The following RGPD3 variants were observed in gnomAD, a reference collection of about 807,000 sequenced individuals.
RGPD3 encodes RANBP2 like and GRIP domain containing 3, also known as ranBP2-like and GRIP domain-containing protein 3.
A neutral mutation model predicts 154.5 loss-of-function variants in RGPD3; 62 were observed. The observed-to-expected ratio is 0.40, with a 90% CI of 0.33 to 0.50. The LOEUF (loss-of-function observed/expected upper bound fraction) is 0.50, where lower values mean the gene tolerates loss of function less well. RGPD3 is among the 20% of genes least tolerant of loss of function. RGPD3 has a pLI of 0.59. For missense variants in RGPD3, 919 were observed against 1,716.8 expected, an observed-to-expected ratio of 0.54 and a Z score of 8.21; for synonymous variants, 308 against 607.0, an observed-to-expected ratio of 0.51 and a Z score of 7.24.
chr2:106,454,493 TAAAC>T (rs1268437834), intron 4 of RGPD3, among the ~76,000 whole-genome samples: 2 of 152,108 alleles, frequency 1.3e-5, no homozygotes, highest in African/African-American at 4.8e-5. Flanking sequence ...TCCCATTCAT[TAAAC>T]AAATGTCAGA....
chr2:106,423,975 T>A lies in RGPD3; in HGVS notation c.3992A>T (p.Asp1331Val). Residue 1331 changes from aspartate (D) to valine (V), a missense_variant, in exon 20 of 23, where the codon GAT (aspartate) becomes GTT (valine). Asp to Val is a radical substitution (Grantham distance 152). Transcript: ENST00000409886. ...AACAACAGGTTCAAAGTACTGTCCA[T>A]CTCTCTCTTCTTCTTGAGTAACATC... ...ESDVTQEEERDGQYFEPVVPL... is the reference protein window; with the variant it reads ...ESDVTQEEERVGQYFEPVVPL... The A allele has an allele frequency of 1.2e-6, 2 of 1,611,792 alleles. No homozygotes were observed. The highest frequency in any genetic ancestry group is 1.1e-5 in the South Asian group (1 of 90,972).
chr2:106,450,692 C>T (rs1246971714), intron 6 of RGPD3, among the ~76,000 whole-genome samples: 9 of 70,964 alleles, frequency 1.3e-4, no homozygotes, highest in South Asian at 7.9e-4. Context: ...GGTGACAGAG[C>T]GAGACTCTGT....
chr2:106,438,444 C>A (rs1199629322), intron 9 of RGPD3, among the ~76,000 whole-genome samples: 2 of 149,836 alleles, frequency 1.3e-5, no homozygotes, highest in Non-Finnish European at 3.0e-5. Flanking sequence ...CCTACGATCA[C>A]GCCACTACAC....
intron 1 of RGPD3, among the ~76,000 whole-genome samples, chr2:106,466,328 G>A (rs1057100480): frequency 2.0e-5 from 3 of 150,270 alleles, no homozygotes; most frequent in African/African-American, 7.3e-5. Flanking sequence ...AGCAGCGCCC[G>A]TCAGGAGCCA....
intron 4 of RGPD3, among the ~76,000 whole-genome samples, chr2:106,455,033 G>A (rs1327228912): frequency 4.6e-5 from 7 of 152,026 alleles, no homozygotes; most frequent in African/African-American, 1.4e-4. Flanking sequence ...GGGCACAGTG[G>A]CTCACACCTG....
intron 18 of RGPD3, among the ~76,000 whole-genome samples, chr2:106,426,670 G>T (rs1162748167): frequency 1.3e-3 from 194 of 152,196 alleles, no homozygotes; most frequent in African/African-American, 4.5e-3. Context: ...CCCTCTGTTT[G>T]GTCTGTTTTA....
chr2:106,422,945 G>A (rs967874042), intron 20 of RGPD3, 98 bp downstream of exon 20: 15 of 1,599,258 alleles, frequency 9.4e-6, no homozygotes, highest in South Asian at 5.5e-5. Flanking sequence ...ACAAAGCATC[G>A]TTCATATCCC....
In RGPD3 at chr2:106,404,745, G is replaced by A. The variant is rs1398992213; in HGVS notation, c.*474C>T. On this transcript the variant is annotated 3_prime_UTR_variant, in exon 23 of 23. Transcript: ENST00000409886. ...CAGCCTCAGCCTCCCCAAGTAGTGGGATTTCAGGCATGAATCACCACACCT... is the reference window on the plus strand; with the variant it reads ...CAGCCTCAGCCTCCCCAAGTAGTGGAATTTCAGGCATGAATCACCACACCT... Among the ~76,000 whole-genome samples, 2 of 95,114 alleles carry A rather than the reference G, an allele frequency of 2.1e-5. No homozygotes were observed. Among genetic ancestry groups the A allele is most frequent in the African/African-American group, 3.6e-5 (1 of 27,626 alleles). 62.4% of individuals were successfully genotyped at this position (95,114 alleles called of 152,430 possible).
At chr2:106,443,938 C>CG (rs1677836618) in intron 7 of RGPD3, among the ~76,000 whole-genome samples, 1 of 149,864 alleles carries the variant, frequency 6.7e-6, no homozygotes, top group African/African-American at 2.5e-5. Flanking sequence ...TCAAGTGATC[C>CG]GCCCGCCTCA....
rs1171488830 is a variant in RGPD3 at position 106,404,091 on chromosome 2, G to T, written c.*1128C>A. ...AGAGGAACTGTGAAGATGTAGCACG[G>T]ACCTCTAAGGTGTCTAAAATCCCTT... On this transcript the variant is annotated 3_prime_UTR_variant, in exon 23 of 23. Transcript: ENST00000409886. Among the ~76,000 whole-genome samples the T allele has an allele frequency of 6.6e-6, 1 of 152,072 alleles. No homozygotes were observed. Among genetic ancestry groups the T allele is most frequent in the Admixed American group, 6.5e-5 (1 of 15,272 alleles).
intron 8 of RGPD3, 135 bp downstream of exon 8, chr2:106,441,158 G>A: frequency 1.8e-6 from 2 of 1,101,686 alleles, no homozygotes; most frequent in East Asian, 5.1e-5. Context: ...CATACCTATT[G>A]CTCTTAACTG....
At chr2:106,467,101 A>G (rs1237825526) in intron 1 of RGPD3, among the ~76,000 whole-genome samples, 145 of 80,624 alleles carry the variant, frequency 1.8e-3, no homozygotes, top group African/African-American at 2.3e-3. Context: ...CCGCAGGGCC[A>G]GGTCGAGGCC....
chr2:106,406,952 G>T (rs555223920), intron 22 of RGPD3, among the ~76,000 whole-genome samples: 1 of 151,866 alleles, frequency 6.6e-6, no homozygotes, highest in African/African-American at 2.4e-5. Flanking sequence ...AATCTGCTGC[G>T]TAACAAATTA....
At chr2:106,414,258 A>C (rs1365269216) in intron 21 of RGPD3, among the ~76,000 whole-genome samples, 1 of 152,166 alleles carries the variant, frequency 6.6e-6, no homozygotes, top group Non-Finnish European at 1.5e-5. Flanking sequence ...CTTTGTCCTC[A>C]AACCTAGGAC....
At chr2:106,450,110 T>C (rs1319826721) in intron 6 of RGPD3, among the ~76,000 whole-genome samples, 1 of 143,398 alleles carries the variant, frequency 7.0e-6, no homozygotes, top group Admixed American at 7.1e-5. Context: ...CTGGGCGCGG[T>C]GGCTCATGCC....
At chr2:106,464,169 C>A (rs1678488122) in intron 1 of RGPD3, among the ~76,000 whole-genome samples, 1 of 151,770 alleles carries the variant, frequency 6.6e-6, no homozygotes. Context: ...CACGGTGAAA[C>A]CCCGTCTCTA....
intron 21 of RGPD3, among the ~76,000 whole-genome samples, chr2:106,414,985 G>A (rs1452883198): frequency 1.3e-5 from 2 of 152,056 alleles, no homozygotes; most frequent in African/African-American, 2.4e-5. Flanking sequence ...AATAATATAC[G>A]TAGAGCCCAG....
chr2:106,434,331 G>A lies in RGPD3; in HGVS notation c.2102C>T (p.Ser701Phe), dbSNP rs767104241. The change falls in exon 15 of 23, where the codon TCT becomes TTT. Residue 701 changes from serine (S) to phenylalanine (F), a missense_variant. Transcript: ENST00000409886. ...TTTGCATTCTTCTTGTTCTTCAGGA[G>A]AAAGGGCATCATTTGCAATGTCTTC... The part of the protein sequence containing the change: ...KAEDIANDAL[S>F]PEEQEECKNY... 1.3e-5 allele frequency: 21 copies of A among 1,610,672 alleles called. No homozygotes were observed. The South Asian group carries it at 2.2e-4, about 17-fold the overall frequency.
intron 6 of RGPD3, among the ~76,000 whole-genome samples, chr2:106,448,156 GGAGT>G (rs1677991927): frequency 6.8e-6 from 1 of 146,726 alleles, no homozygotes; most frequent in South Asian, 2.1e-4. Flanking sequence ...CGCCTGGGCT[GGAGT>G]GCAATGGCAC....
Sources: gnomAD v4.1 joint callset for allele counts (sites outside exome capture counted in the v4.1 genomes callset) on GRCh38, gnomAD v4.1.1 for gene constraint, MANE v1.5 for transcripts, NCBI Gene and HGNC (gene_info 2026-07-23, HGNC 2026-07-21) for gene names.